Variants in PLEKHG1 observed in about 807,000 individuals in gnomAD.
PLEKHG1 encodes the protein pleckstrin homology domain-containing family G member 1.
A neutral mutation model predicts 100.8 loss-of-function variants in PLEKHG1; 44 were observed. The ratio of observed to expected loss-of-function variants is 0.44; its 90% confidence interval spans 0.34 to 0.56. PLEKHG1 has a LOEUF of 0.56. Ranked by LOEUF, PLEKHG1 falls within the 20% of genes least tolerant of loss-of-function variation. The pLI is 0.01. For synonymous variants in PLEKHG1, 640 were observed against 662.5 expected (o/e 0.97, Z 0.52); for missense variants, 1,545 against 1,720.9 (o/e 0.90, Z 1.81).
intron 10 of PLEKHG1, among the ~76,000 whole-genome samples, chr6:150,811,143 G>A (rs1172235884): frequency 6.6e-6 from 1 of 152,170 alleles, no homozygotes; most frequent in Non-Finnish European, 1.5e-5. Context: ...GCCAAGCCAT[G>A]AACCGTTTGC....
intron 4 of PLEKHG1, among the ~76,000 whole-genome samples, chr6:150,789,621 T>C (rs1785848904): frequency 6.6e-6 from 1 of 152,254 alleles, no homozygotes; most frequent in South Asian, 2.1e-4. Flanking sequence ...CCTAATTTCA[T>C]TGAAACCATT....
intron 3 of PLEKHG1, among the ~76,000 whole-genome samples, chr6:150,713,780 G>C (rs193184036): frequency 6.6e-6 from 1 of 152,170 alleles, no homozygotes; most frequent in Non-Finnish European, 1.5e-5. Context: ...GCAAGGTGGA[G>C]CTGAGCCCTC....
At chr6:150,638,862 C>T (rs887201343) in intron 2 of PLEKHG1, among the ~76,000 whole-genome samples, 2 of 152,154 alleles carry the variant, frequency 1.3e-5, no homozygotes, top group African/African-American at 4.8e-5. Flanking sequence ...GGATGCATTC[C>T]TGAAATTTCT....
At position 150,768,743 on chromosome 6, in the gene PLEKHG1, G is replaced by GTT; in HGVS notation, c.512+6_512+7dup. ...GGATATCTACCACTTCAATAGGTAA[G>GTT]TTAATATTCAAAAGATTGTTCTCAC... On this transcript the variant is annotated splice_donor_region_variant and intron_variant, in intron 3 of 15. Transcript: ENST00000358517. 1 of 1,457,584 alleles carries GTT rather than the reference G, an allele frequency of 6.9e-7. No individual in the cohort carries two copies. Among genetic ancestry groups the GTT allele is most frequent in the Non-Finnish European group, 9.6e-7 (1 of 1,037,668 alleles). 90.3% of individuals were successfully genotyped at this position (1,457,584 alleles called of 1,614,324 possible). A position where few individuals can be genotyped will look rare whatever the true frequency, so the allele number is the denominator to read the frequency against.
chr6:150,791,674 AAG>A (rs1785990996), intron 4 of PLEKHG1, among the ~76,000 whole-genome samples: 1 of 142,538 alleles, frequency 7.0e-6, no homozygotes, highest in African/African-American at 2.7e-5. Flanking sequence ...TGTCTCAAAA[AAG>A]AAAAAAAAAA....
At chr6:150,725,898 T>C (rs1156259946) in intron 1 of PLEKHG1, among the ~76,000 whole-genome samples, 2 of 152,024 alleles carry the variant, frequency 1.3e-5, no homozygotes, top group Non-Finnish European at 1.5e-5. Context: ...TAAGAACATG[T>C]GGCACATACA....
At chr6:150,614,008 T>C (rs4870535) in intron 1 of PLEKHG1, among the ~76,000 whole-genome samples, 15,926 of 152,252 alleles carry the variant, frequency 0.1, 832 homozygotes, top group African/African-American at 0.12. Context: ...CTACCACACC[T>C]GAAATGTATA....
chr6:150,839,489 T>C (rs1777402538), intron 15 of PLEKHG1, among the ~76,000 whole-genome samples: 1 of 152,216 alleles, frequency 6.6e-6, no homozygotes, highest in Non-Finnish European at 1.5e-5. Flanking sequence ...TTCTTACTTT[T>C]ATGATGCATG....
chr6:150,811,058 C>CA (rs1760618807), intron 10 of PLEKHG1, among the ~76,000 whole-genome samples: 2 of 152,120 alleles, frequency 1.3e-5, no homozygotes, highest in East Asian at 1.9e-4. Flanking sequence ...TAAAGCTGTG[C>CA]TGGGTCCCAT....
chr6:150,721,093 T>G, exon 1 of PLEKHG1: 1 of 959,018 alleles, frequency 1.0e-6, no homozygotes, highest in Non-Finnish European at 1.2e-6. Context: ...CATGCAATAT[T>G]TCTACGGAAG....
At chr6:150,726,863 C>T (rs1781986996) in intron 1 of PLEKHG1, among the ~76,000 whole-genome samples, 2 of 152,152 alleles carry the variant, frequency 1.3e-5, no homozygotes, top group South Asian at 4.1e-4. Context: ...ATAAAAGATG[C>T]TCCTCAAATA....
intron 10 of PLEKHG1, among the ~76,000 whole-genome samples, chr6:150,813,108 A>G (rs997992720): frequency 2.0e-5 from 3 of 152,022 alleles, no homozygotes; most frequent in African/African-American, 7.2e-5. Context: ...GATCAAGACC[A>G]TCCTGGCTAA....
intron 2 of PLEKHG1, among the ~76,000 whole-genome samples, chr6:150,752,030 A>G (rs377348788): frequency 5.3e-5 from 8 of 152,196 alleles, no homozygotes; most frequent in Admixed American, 3.3e-4. Context: ...CTCTACTAAA[A>G]ATACAGAAAG....
chr6:150,639,392 A>AT (rs1778154394), intron 2 of PLEKHG1, among the ~76,000 whole-genome samples: 1 of 152,022 alleles, frequency 6.6e-6, no homozygotes, highest in African/African-American at 2.4e-5. Flanking sequence ...AACATTTATC[A>AT]TTTTTTTGTG....
rs1776268813 is a variant in PLEKHG1, at chr6:150,600,084, C to A, written c.-204+67C>A. 2 of 179,226 alleles carry A rather than the reference C, an allele frequency of 1.1e-5. No individual in the cohort carries two copies. Among genetic ancestry groups the A allele is most frequent in the South Asian group, 6.7e-5 (1 of 14,822 alleles). 11.1% of individuals were successfully genotyped at this position (179,226 alleles called of 1,614,324 possible). ...GGGATGGGAGGGGGGACCCGGGGAC[C>A]TCCGGCGGGAGCCCCACATCCGCAG... On this transcript the variant is annotated intron_variant, in intron 1 of 3. Coordinates refer to the PLEKHG1 transcript ENST00000367326. The surrounding 1 kb of genome is among the most constrained non-coding windows in gnomAD (Gnocchi z 6.2).
intron 3 of PLEKHG1, among the ~76,000 whole-genome samples, chr6:150,777,225 G>A (rs1053940257): frequency 6.6e-6 from 1 of 150,532 alleles, no homozygotes; most frequent in Non-Finnish European, 1.5e-5. Flanking sequence ...TGGTGCACAT[G>A]TGTGGTTGCA....
At chr6:150,799,903 G>T (rs1377574083) in intron 5 of PLEKHG1, among the ~76,000 whole-genome samples, 1 of 152,086 alleles carries the variant, frequency 6.6e-6, no homozygotes, top group Non-Finnish European at 1.5e-5. Flanking sequence ...ATTTACACGC[G>T]TGTGACTGCA....
intron 3 of PLEKHG1, among the ~76,000 whole-genome samples, chr6:150,670,503 C>T (rs1779548020): frequency 6.6e-6 from 1 of 152,206 alleles, no homozygotes; most frequent in African/African-American, 2.4e-5. Flanking sequence ...GCTACCAGTA[C>T]CAGTCACAAA....
At chr6:150,795,469 G>T (rs1338465620) in intron 4 of PLEKHG1, among the ~76,000 whole-genome samples, 1 of 151,572 alleles carries the variant, frequency 6.6e-6, no homozygotes, top group Non-Finnish European at 1.5e-5. Context: ...TAATTATTCT[G>T]ACTGAAAGCC....
Sources: gnomAD v4.1 joint callset for allele counts (sites outside exome capture counted in the v4.1 genomes callset) on GRCh38, gnomAD v4.1.1 for gene constraint, Gnocchi (gnomAD v3.1) non-coding constraint, MANE v1.5 for transcripts, NCBI Gene and HGNC (gene_info 2026-07-23, HGNC 2026-07-21) for gene names.